The following AGBL4 variants were observed in gnomAD, a reference collection of about 807,000 sequenced individuals.
AGBL4 encodes AGBL carboxypeptidase 4.
AGBL4 carries 58 observed loss-of-function variants against 66.4 expected under a neutral mutation model. The ratio of observed to expected loss-of-function variants is 0.87; its 90% confidence interval spans 0.71 to 1.09. AGBL4 has a LOEUF of 1.09. AGBL4 is among the 50% of genes least tolerant of loss of function. The probability of loss-of-function intolerance (pLI) is 0.00; values close to 1 mark genes in which losing one functional copy is unlikely to be tolerated. For missense variants in AGBL4, 579 were observed against 631.0 expected, an observed-to-expected ratio of 0.92 and a Z score of 0.88; for synonymous variants, 234 against 222.9, an observed-to-expected ratio of 1.05 and a Z score of -0.44.
Position 50,023,817 on chromosome 1 carries a change from C to G in AGBL4, c.-21G>C. The stretch of plus-strand genomic sequence containing the variant: ...GCCATTTTTGTTGTCCCTCAGTCTC[C>G]GAGCTCACGCGAAGACCGCGGGGCA... On this transcript the variant is annotated 5_prime_UTR_variant, in exon 1 of 14. Transcript: ENST00000371839. 1 of 1,548,090 alleles carries G rather than the reference C, an allele frequency of 6.5e-7. No individual in the cohort carries two copies. Among genetic ancestry groups the G allele is most frequent in the Non-Finnish European group, 8.7e-7 (1 of 1,145,470 alleles).
At chr1:48,761,827 T>G (rs1644269019) in intron 6 of AGBL4, among the ~76,000 whole-genome samples, 1 of 152,190 alleles carries the variant, frequency 6.6e-6, no homozygotes, top group African/African-American at 2.4e-5. Flanking sequence ...AAATGGCACA[T>G]GAATCCCTCA....
chr1:48,803,642 G>A (rs942228272), intron 6 of AGBL4, among the ~76,000 whole-genome samples: 1 of 152,198 alleles, frequency 6.6e-6, no homozygotes, highest in Non-Finnish European at 1.5e-5. Flanking sequence ...TAAGGTCTGA[G>A]GTAAAATTTT....
chr1:49,832,182 C>T (rs958528629), intron 2 of AGBL4, among the ~76,000 whole-genome samples: 1 of 150,110 alleles, frequency 6.7e-6, no homozygotes, highest in African/African-American at 2.5e-5. Flanking sequence ...GAGTGTGATG[C>T]TCCCCTTCCT....
intron 5 of AGBL4, among the ~76,000 whole-genome samples, chr1:48,873,404 C>T (rs542320668): frequency 5.3e-5 from 8 of 152,178 alleles, no homozygotes; most frequent in Non-Finnish European, 1.2e-4. Flanking sequence ...TGCTGTAAAG[C>T]GTTGCTTAAC....
intron 3 of AGBL4, among the ~76,000 whole-genome samples, chr1:49,535,334 T>C (rs1488483217): frequency 1.4e-5 from 2 of 148,060 alleles, no homozygotes; most frequent in Non-Finnish European, 3.0e-5. Context: ...TAATATAATA[T>C]GTAATATGAC....
At chr1:48,686,504 T>C (rs1250042239) in intron 6 of AGBL4, among the ~76,000 whole-genome samples, 1 of 152,066 alleles carries the variant, frequency 6.6e-6, no homozygotes, top group Non-Finnish European at 1.5e-5. Context: ...GCTTTGAACA[T>C]AGAAAGTGTT....
intron 1 of AGBL4, among the ~76,000 whole-genome samples, chr1:49,978,687 G>A (rs1047778326): frequency 6.6e-6 from 1 of 152,076 alleles, no homozygotes; most frequent in African/African-American, 2.4e-5. Flanking sequence ...TACCATTTTA[G>A]TTAAAATATA....
At chr1:48,823,937 G>A (rs1005990517) in intron 6 of AGBL4, among the ~76,000 whole-genome samples, 6 of 152,034 alleles carry the variant, frequency 3.9e-5, no homozygotes. Context: ...TCGTTACCAG[G>A]AATACATAAG....
At chr1:49,458,189 A>T (rs1174444804) in intron 3 of AGBL4, among the ~76,000 whole-genome samples, 1 of 151,702 alleles carries the variant, frequency 6.6e-6, no homozygotes, top group African/African-American at 2.4e-5. Context: ...ATTAGCATGG[A>T]ATGTGTTTCC....
At chr1:49,136,774 A>G (rs1396448756) in intron 4 of AGBL4, among the ~76,000 whole-genome samples, 1 of 152,158 alleles carries the variant, frequency 6.6e-6, no homozygotes, top group African/African-American at 2.4e-5. Context: ...TGCTGTGTCT[A>G]TACATATGGC....
At chr1:49,292,448 C>T (rs1644558754) in intron 3 of AGBL4, among the ~76,000 whole-genome samples, 1 of 152,146 alleles carries the variant, frequency 6.6e-6, no homozygotes, top group Non-Finnish European at 1.5e-5. Context: ...ACTTACGGTC[C>T]CTTTTCTGGA....
chr1:49,727,631 CA>C (rs1440531464), intron 2 of AGBL4, among the ~76,000 whole-genome samples: 2 of 151,912 alleles, frequency 1.3e-5, no homozygotes, highest in Non-Finnish European at 2.9e-5. Flanking sequence ...ACGTATCTAC[CA>C]AATACAAGAA....
chr1:49,862,086 A>G (rs1646587043), intron 1 of AGBL4, among the ~76,000 whole-genome samples: 1 of 152,162 alleles, frequency 6.6e-6, no homozygotes, highest in Non-Finnish European at 1.5e-5. Flanking sequence ...GAGATATGTG[A>G]CCTTTCAGAC....
chr1:48,566,661 T>C (rs1402894364), intron 11 of AGBL4, among the ~76,000 whole-genome samples: 1 of 152,244 alleles, frequency 6.6e-6, no homozygotes, highest in African/African-American at 2.4e-5. Context: ...GGCAAAGAGA[T>C]TGTCCTCCAT....
chr1:48,600,267 G>A (rs952902003), intron 9 of AGBL4, among the ~76,000 whole-genome samples: 2 of 152,120 alleles, frequency 1.3e-5, no homozygotes, highest in African/African-American at 4.8e-5. Flanking sequence ...TCAGAGAAAG[G>A]GGTATAGGGG....
chr1:49,004,363 A>G (rs892028902), intron 5 of AGBL4, among the ~76,000 whole-genome samples: 9 of 152,226 alleles, frequency 5.9e-5, no homozygotes, highest in Admixed American at 5.9e-4. Flanking sequence ...CAGGTATGAT[A>G]GGCATATTAA....
chr1:49,790,996 TG>T, intron 2 of AGBL4, among the ~76,000 whole-genome samples: 1 of 152,120 alleles, frequency 6.6e-6, no homozygotes, highest in Non-Finnish European at 1.5e-5. Flanking sequence ...ATCCAAAGAA[TG>T]GGGCAGGACA....
chr1:48,589,222 C>T (rs552708011), intron 10 of AGBL4, among the ~76,000 whole-genome samples: 29 of 152,264 alleles, frequency 1.9e-4, no homozygotes, highest in Non-Finnish European at 4.0e-4. Context: ...ATGCTGAATA[C>T]TCATCTTTTC....
chr1:49,934,055 A>G (rs1653663742), intron 1 of AGBL4, among the ~76,000 whole-genome samples: 1 of 152,168 alleles, frequency 6.6e-6, no homozygotes, highest in Non-Finnish European at 1.5e-5. Flanking sequence ...GCTGAAAATG[A>G]AGGCATAAAT....
Sources: allele counts gnomAD v4.1 joint callset (sites outside exome capture counted in the v4.1 genomes callset), GRCh38; gene constraint gnomAD v4.1.1; transcripts MANE v1.5; gene names NCBI Gene and HGNC (gene_info 2026-07-23, HGNC 2026-07-21).